PLCG2: variants seen among roughly 807,000 people sequenced by gnomAD.
PLCG2 encodes phospholipase C gamma 2.
In PLCG2, 69 loss-of-function variants were observed where a neutral mutation model predicts 175.6. The ratio of observed to expected loss-of-function variants is 0.39; its 90% CI spans 0.32 to 0.48. The LOEUF (loss-of-function observed/expected upper bound fraction) is 0.48, where lower values mean the gene tolerates loss of function less well. Ranked by LOEUF, PLCG2 falls within the 20% of genes least tolerant of loss-of-function variation. PLCG2 has a pLI of 0.91. For synonymous variants in PLCG2, 827 were observed against 624.0 expected, an observed-to-expected ratio of 1.33 and a Z score of -4.85; for missense variants, 1,798 against 1,650.9, an observed-to-expected ratio of 1.09 and a Z score of -1.54.
chr16:81,944,424 A>G (rs777257274), intron 30 of PLCG2, among the ~76,000 whole-genome samples: 1 of 152,194 alleles, frequency 6.6e-6, no homozygotes, highest in Non-Finnish European at 1.5e-5. Context: ...TTTAAAGGAT[A>G]TGGGAGGATG....
At chr16:81,895,549 G>A in intron 12 of PLCG2, 1 of 428,374 alleles carries the variant, frequency 2.3e-6, no homozygotes, top group South Asian at 2.9e-5. Flanking sequence ...AACAGAGCGA[G>A]ACTCTGTCTT....
intron 7 of PLCG2, among the ~76,000 whole-genome samples, chr16:81,874,977 T>A (rs1045615302): frequency 5.8e-5 from 8 of 136,830 alleles, no homozygotes; most frequent in East Asian, 2.4e-4. Context: ...TTTTTTTTTT[T>A]ATTTGAGACA....
At chr16:81,795,689 C>G (rs992504196) in intron 2 of PLCG2, among the ~76,000 whole-genome samples, 12 of 151,950 alleles carry the variant, frequency 7.9e-5, no homozygotes, top group Middle Eastern at 3.2e-3. Flanking sequence ...TACCTGTTTC[C>G]TCCCACCTGC....
chr16:81,785,496 ATT>A lies in PLCG2; in HGVS notation c.-47-432_-47-431del, dbSNP rs10555890. 3.6e-3 allele frequency among the ~76,000 whole-genome samples: 525 copies of A among 147,526 alleles called. 3 individuals are homozygous for A. The highest frequency in any genetic ancestry group is 8.6e-3 in the East Asian group (43 of 5,002). ...GTTTAGTTTGTTTTTCGTTTATTTC[ATT>A]TTTTTTTTTTTTTTGTTCTTAATTT... On this transcript the variant is annotated intron_variant, in intron 1 of 32. Transcript: ENST00000564138.
intron 5 of PLCG2, 80 bp from the exon 6 acceptor site, chr16:81,869,134 G>T: frequency 9.9e-7 from 1 of 1,005,148 alleles, no homozygotes; most frequent in Non-Finnish European, 1.6e-6. Flanking sequence ...GCTGCCTGAG[G>T]TGGGAACTGA....
chr16:81,761,389 A>G (rs1910038295), intron 2 of PLCG2, among the ~76,000 whole-genome samples: 1 of 152,174 alleles, frequency 6.6e-6, no homozygotes, highest in African/African-American at 2.4e-5. Flanking sequence ...TAGTAATGAT[A>G]ATACTTAAAT....
intron 2 of PLCG2, among the ~76,000 whole-genome samples, chr16:81,816,099 G>A (rs1904534720): frequency 6.9e-6 from 1 of 144,802 alleles, no homozygotes; most frequent in Non-Finnish European, 1.5e-5. Context: ...GGACAGGCAC[G>A]ATGGCTTATG....
Position 81,794,086 on chromosome 16 carries a change from G to A in PLCG2, c.193+7904G>A, listed in dbSNP as rs930528337. On this transcript the variant is annotated intron_variant, in intron 2 of 32. Coordinates refer to ENST00000564138, the MANE Select transcript of PLCG2 (RefSeq NM_002661.5). ...CTTACGTGTGCAGAGGACTTGCTCT[G>A]CCAGGTGCTGGAGGTACCAAGAGAA... is the stretch of plus-strand genomic sequence containing the variant. Among the ~76,000 whole-genome samples, 4 of 152,242 alleles carry A rather than the reference G, an allele frequency of 2.6e-5. No homozygotes were observed. The South Asian group carries it at 8.3e-4, about 32-fold the overall frequency.
chr16:81,753,087 C>T (rs1909844798), intron 1 of PLCG2, among the ~76,000 whole-genome samples: 1 of 152,254 alleles, frequency 6.6e-6, no homozygotes, highest in Non-Finnish European at 1.5e-5. Flanking sequence ...GGTGCCCCAC[C>T]AGCTTCTGCT....
intron 2 of PLCG2, among the ~76,000 whole-genome samples, chr16:81,818,002 C>T (rs1274078465): frequency 3.3e-5 from 5 of 152,190 alleles, no homozygotes; most frequent in Non-Finnish European, 7.3e-5. Context: ...ATTAGAGAGA[C>T]CTGGTTGTCA....
At chr16:81,951,558 C>A (rs1911366541) in intron 31 of PLCG2, among the ~76,000 whole-genome samples, 1 of 152,150 alleles carries the variant, frequency 6.6e-6, no homozygotes, top group South Asian at 2.1e-4. Flanking sequence ...AATGGAAATC[C>A]TTCTTCTGTC....
chr16:81,926,697 C>G (rs1381934299), intron 22 of PLCG2, among the ~76,000 whole-genome samples: 3 of 152,148 alleles, frequency 2.0e-5, no homozygotes, highest in Non-Finnish European at 2.9e-5. Context: ...AGTGGTAGAG[C>G]TGGAGTTTAA....
upstream of PLCG2, among the ~76,000 whole-genome samples, chr16:81,774,326 G>A (rs1910350656): frequency 6.6e-6 from 1 of 151,918 alleles, no homozygotes; most frequent in Non-Finnish European, 1.5e-5. Flanking sequence ...CTCCAGCCTG[G>A]GCAGTAAAAA....
chr16:81,760,447 C>T (rs1357114465), intron 2 of PLCG2, among the ~76,000 whole-genome samples: 5 of 152,154 alleles, frequency 3.3e-5, no homozygotes, highest in South Asian at 2.1e-4. Context: ...GATGCTGGTA[C>T]GTCTGACTAT....
chr16:81,750,170 G>C (rs963315023), intron 1 of PLCG2, among the ~76,000 whole-genome samples: 1 of 152,204 alleles, frequency 6.6e-6, no homozygotes, highest in Non-Finnish European at 1.5e-5. Context: ...CACTTTGGGA[G>C]AACAAGGCGG....
chr16:81,890,589 A>T (rs1908584656), intron 10 of PLCG2, among the ~76,000 whole-genome samples: 1 of 152,218 alleles, frequency 6.6e-6, no homozygotes, highest in African/African-American at 2.4e-5. Context: ...GCAAGCACAG[A>T]AACAGAATGC....
chr16:81,801,330 A>C (rs1470335571), intron 2 of PLCG2, among the ~76,000 whole-genome samples: 1 of 152,202 alleles, frequency 6.6e-6, no homozygotes, highest in Non-Finnish European at 1.5e-5. Flanking sequence ...TTCCCATTTC[A>C]AAAATTTTCA....
At chr16:81,810,283 C>T (rs1444443005) in intron 2 of PLCG2, among the ~76,000 whole-genome samples, 4 of 152,226 alleles carry the variant, frequency 2.6e-5, no homozygotes, top group Non-Finnish European at 5.9e-5. Context: ...CCGTGCCCAG[C>T]CCATGCTTCT....
Position 81,796,915 on chromosome 16 carries a change from C to T in PLCG2, c.193+10733C>T, listed in dbSNP as rs75646959. On this transcript the variant is annotated intron_variant, in intron 2 of 32. Transcript: ENST00000564138. ...GAGTGGCAGGCCTAACACACAAATA[C>T]ACTCTCATGTAACAGGGGCCTGAGG... 6.9e-3 allele frequency among the ~76,000 whole-genome samples: 1,056 copies of T among 152,334 alleles called. 6 individuals carry two copies. Among genetic ancestry groups the T allele is most frequent in the Non-Finnish European group, 0.012 (784 of 68,024 alleles).
Sources: gnomAD v4.1 joint callset for allele counts (sites outside exome capture counted in the v4.1 genomes callset) on GRCh38, gnomAD v4.1.1 for gene constraint, MANE v1.5 for transcripts, NCBI Gene and HGNC (gene_info 2026-07-23, HGNC 2026-07-21) for gene names.